Variants in TRUB2 observed in about 807,000 individuals in gnomAD.
TRUB2 encodes TruB pseudouridine synthase family member 2.
In TRUB2, 31 loss-of-function variants were observed where a neutral mutation model predicts 31.9. The observed-to-expected ratio is 0.97, with a 90% CI of 0.73 to 1.31. The LOEUF (loss-of-function observed/expected upper bound fraction) is 1.31, where lower values mean the gene tolerates loss of function less well. Among genes scored for constraint, TRUB2 ranks in the 50% most tolerant of loss-of-function variants. The pLI, the probability that TRUB2 is intolerant of heterozygous loss-of-function variation, is 0.00. For missense variants in TRUB2, 451 were observed against 439.6 expected (o/e 1.03, Z -0.23); for synonymous variants, 201 against 182.6 (o/e 1.10, Z -0.81).
chr9:128,319,440 G>A (rs868442156), intron 2 of TRUB2, among the ~76,000 whole-genome samples: 2 of 150,934 alleles, frequency 1.3e-5, no homozygotes, highest in African/African-American at 2.4e-5. Flanking sequence ...TCAGTGAGCC[G>A]AGATCTCACC....
chr9:128,314,729 A>G (rs1832038696), intron 4 of TRUB2, among the ~76,000 whole-genome samples: 2 of 152,156 alleles, frequency 1.3e-5, no homozygotes, highest in South Asian at 4.2e-4. Flanking sequence ...ACAATTTTTA[A>G]AATTTTTATA....
Position 128,306,746 on chromosome 9 carries a change from T to C in TRUB2, c.*2804A>G, listed in dbSNP as rs1173452679. Reference sequence around the variant, plus strand: ...CCACCGTGCCCAGCCTTTTTTTTTTTCTTTTCTGAGACAGAGTCTCACTCT... The same window carrying C: ...CCACCGTGCCCAGCCTTTTTTTTTTCCTTTTCTGAGACAGAGTCTCACTCT... On this transcript the variant is annotated 3_prime_UTR_variant, in exon 8 of 8. Coordinates refer to ENST00000372890, the MANE Select transcript of TRUB2 (RefSeq NM_015679.3). The C allele has an allele frequency of 6.6e-6, 1 of 151,318 alleles. No homozygotes were observed. The highest frequency in any genetic ancestry group is 2.4e-5 in the African/African-American group (1 of 41,172). 9.4% of individuals were successfully genotyped at this position (151,318 alleles called of 1,614,324 possible). A position where few individuals can be genotyped will look rare whatever the true frequency, so the allele number is the denominator to read the frequency against.
In TRUB2 at chr9:128,307,333, C is replaced by T. The variant is rs954324420; in HGVS notation, c.*2217G>A. 2 of 151,610 alleles carry T rather than the reference C, an allele frequency of 1.3e-5. No individual in the cohort carries two copies. Among genetic ancestry groups the T allele is most frequent in the African/African-American group, 2.4e-5 (1 of 41,218 alleles). 9.4% of individuals were successfully genotyped at this position (151,610 alleles called of 1,614,324 possible). ...GTGCACGCCTGTAGTCCCAGCTATTCTGGAGGGTGAGGTGGGAAGATGGTT... is the reference window on the plus strand; with the variant it reads ...GTGCACGCCTGTAGTCCCAGCTATTTTGGAGGGTGAGGTGGGAAGATGGTT... On this transcript the variant is annotated 3_prime_UTR_variant, in exon 8 of 8. Transcript: ENST00000372890.
intron 5 of TRUB2, among the ~76,000 whole-genome samples, chr9:128,313,535 CAA>C (rs563876862): frequency 4.0e-3 from 313 of 79,206 alleles, no homozygotes; most frequent in African/African-American, 0.012. Flanking sequence ...GACTCCGTCT[CAA>C]AAAAAAAAAA....
Position 128,317,151 on chromosome 9 carries a change from C to T in TRUB2, c.316+1G>A. On this transcript the variant is annotated splice_donor_variant, in intron 3 of 7. Coordinates refer to ENST00000372890, the MANE Select transcript of TRUB2 (RefSeq NM_015679.3). LOFTEE classifies it high-confidence loss of function. ...ACCCCCAGGCTTCTCACATCACCTA[C>T]CAAGTACTCCAGAAGCCTGGGCATC... 6.3e-7 allele frequency: 1 copy of T among 1,575,992 alleles called. No homozygotes were observed. Among genetic ancestry groups the T allele is most frequent in the Non-Finnish European group, 8.6e-7 (1 of 1,158,740 alleles).
At chr9:128,319,561 C>T (rs1832126756) in intron 2 of TRUB2, among the ~76,000 whole-genome samples, 1 of 151,552 alleles carries the variant, frequency 6.6e-6, no homozygotes, top group Non-Finnish European at 1.5e-5. Context: ...TTGCAGATAC[C>T]AAAATTTGTA....
At chr9:128,310,118 G>C (rs1201182532) in intron 7 of TRUB2, among the ~76,000 whole-genome samples, 1 of 151,854 alleles carries the variant, frequency 6.6e-6, no homozygotes, top group Non-Finnish European at 1.5e-5. Flanking sequence ...TTTGGCAACA[G>C]GGTCTCATTC....
rs1564387489 is a variant in TRUB2, at chr9:128,321,698, G to GT, written c.141dup (p.Gln48ThrfsTer93). 6.2e-7 allele frequency: 1 copy of GT among 1,613,822 alleles called. No homozygotes were observed. Among genetic ancestry groups the GT allele is most frequent in the African/African-American group, 1.3e-5 (1 of 75,040 alleles). On this transcript the variant is annotated frameshift_variant, in exon 2 of 8. Transcript: ENST00000372890. LOFTEE classifies it high-confidence loss of function. Reference sequence around the variant, plus strand: ...GGGCCCAGCAAGAAGCGAACACGCTGTTTAGGAGCGGGAGGCTTCCTGGCA... The same window carrying GT: ...GGGCCCAGCAAGAAGCGAACACGCTGTTTTAGGAGCGGGAGGCTTCCTGGCA...
intron 3 of TRUB2, chr9:128,315,904 G>T: frequency 2.1e-6 from 1 of 482,620 alleles, no homozygotes; most frequent in Non-Finnish European, 3.8e-6. Flanking sequence ...CACCTGAGAG[G>T]AAGAGATCCC....
At chr9:128,311,296 C>T (rs1831964045) in intron 6 of TRUB2, 1 of 624,210 alleles carries the variant, frequency 1.6e-6, no homozygotes, top group African/African-American at 1.8e-5. Context: ...GCCATTAGAT[C>T]ATATACTCTC....
In TRUB2 at chr9:128,308,258, G is replaced by A. The variant is rs1293032581; in HGVS notation, c.*1292C>T. Reference sequence around the variant, plus strand: ...AAAAAAAAAAACCAAAACAGGCCGGGTGTGGTGGCTCACGGCTGTAATCCC... The same window carrying A: ...AAAAAAAAAAACCAAAACAGGCCGGATGTGGTGGCTCACGGCTGTAATCCC... On this transcript the variant is annotated 3_prime_UTR_variant, in exon 8 of 8. Coordinates refer to ENST00000372890, the MANE Select transcript of TRUB2 (RefSeq NM_015679.3). 2.6e-5 allele frequency: 4 copies of A among 151,932 alleles called. No homozygotes were observed. The highest frequency in any genetic ancestry group is 9.7e-5 in the African/African-American group (4 of 41,356). 9.4% of individuals were successfully genotyped at this position (151,932 alleles called of 1,614,324 possible).
At chr9:128,311,067 C>A in intron 6 of TRUB2, 44 bp from the exon 7 acceptor site, 1 of 1,602,526 alleles carries the variant, frequency 6.2e-7, no homozygotes, top group Non-Finnish European at 8.5e-7. Context: ...CCCACCTACC[C>A]TTTCCCCCAC....
At position 128,311,516 on chromosome 9, in the gene TRUB2, G is replaced by A. The variant is rs2231636; in HGVS notation, c.533+13C>T. On this transcript the variant is annotated intron_variant, in intron 6 of 7. Coordinates refer to ENST00000372890, the MANE Select transcript of TRUB2 (RefSeq NM_015679.3). ...TACTGCTCTCCCAGTACCTCCCTGA[G>A]GGCCCTACTCACATCACCAGGGCCT... 4.3e-3 allele frequency: 6,955 copies of A among 1,613,694 alleles called. 257 individuals are homozygous for A. In the African/African-American group the frequency reaches 0.076, roughly 18 times the overall value.
intron 2 of TRUB2, among the ~76,000 whole-genome samples, chr9:128,319,242 C>T (rs959596820): frequency 6.6e-6 from 1 of 151,478 alleles, no homozygotes. Flanking sequence ...AGGAGAATGG[C>T]GTGAACCCAG....
chr9:128,318,528 CTTGTT>C (rs1042146545), intron 2 of TRUB2, among the ~76,000 whole-genome samples: 19 of 151,052 alleles, frequency 1.3e-4, no homozygotes, highest in African/African-American at 2.9e-4. Context: ...TGTGTGTTTG[CTTGTT>C]TTGTTTTGTT....
intron 6 of TRUB2, 154 bp from the exon 7 acceptor site, chr9:128,311,177 G>A: frequency 9.4e-7 from 1 of 1,063,076 alleles, no homozygotes; most frequent in South Asian, 1.6e-5. Context: ...CAGGTGCCTG[G>A]TAGAGTCAGG....
intron 7 of TRUB2, among the ~76,000 whole-genome samples, chr9:128,310,175 C>G (rs1831943885): frequency 6.6e-6 from 1 of 151,896 alleles, no homozygotes; most frequent in African/African-American, 2.4e-5. Context: ...ATCACTGCAG[C>G]CTTGACCTCC....
In TRUB2 at chr9:128,322,379, A is replaced by C; in HGVS notation, c.30T>G (p.His10Gln). 1 of 1,614,158 alleles carries C rather than the reference A, an allele frequency of 6.2e-7. No homozygotes were observed. Among genetic ancestry groups the C allele is most frequent in the Non-Finnish European group, 8.5e-7 (1 of 1,180,024 alleles). The stretch of plus-strand genomic sequence containing the variant: ...GGGGCTTATAGACCGCGAAAAGCCC[A>C]TGCAGCCGCGACAAGCCAGCAGACC... Reference protein sequence around the residue: MGSAGLSRLHGLFAVYKPPG... With the variant: MGSAGLSRLQGLFAVYKPPG... The change falls in exon 1 of 8, where the codon CAT (histidine) becomes CAG (glutamine). Residue 10 changes from histidine to glutamine, a missense_variant. By Grantham distance (24) the His-to-Gln change is conservative (BLOSUM62 0). Transcript: ENST00000372890.
At chr9:128,321,499 C>T in intron 2 of TRUB2, 100 bp downstream of exon 2, 1 of 1,584,470 alleles carries the variant, frequency 6.3e-7, no homozygotes, top group Non-Finnish European at 8.6e-7. Flanking sequence ...CTCTGTGGAC[C>T]TTCAAGGGCC....
Sources: gnomAD v4.1 joint callset for allele counts (sites outside exome capture counted in the v4.1 genomes callset) on GRCh38, gnomAD v4.1.1 for gene constraint, MANE v1.5 for transcripts, NCBI Gene and HGNC (gene_info 2026-07-23, HGNC 2026-07-21) for gene names.